The following KIF16B variants were observed in gnomAD, a reference collection of about 807,000 sequenced individuals.
The protein encoded by KIF16B is kinesin family member 16B.
A neutral mutation model predicts 156.3 loss-of-function variants in KIF16B; 98 were observed. The ratio of observed to expected loss-of-function variants is 0.63; its 90% CI spans 0.53 to 0.74. The LOEUF is 0.74. Ranked by LOEUF, KIF16B falls within the 30% of genes least tolerant of loss-of-function variation. The pLI is 0.00. For missense variants in KIF16B, 1,421 were observed against 1,606.5 expected (o/e 0.88, Z 1.97); for synonymous variants, 564 against 583.7 (o/e 0.97, Z 0.49).
chr20:16,296,231 G>C (rs982347501), intron 25 of KIF16B, among the ~76,000 whole-genome samples: 10 of 152,236 alleles, frequency 6.6e-5, no homozygotes, highest in Admixed American at 6.5e-4. Flanking sequence ...ACAGGCAACA[G>C]AGGAGTGAGT....
At chr20:16,500,147 A>G (rs888618756) in intron 10 of KIF16B, among the ~76,000 whole-genome samples, 1 of 152,302 alleles carries the variant, frequency 6.6e-6, no homozygotes, top group South Asian at 2.1e-4. Context: ...ATGCAGCCAA[A>G]TACATAAATC....
chr20:16,550,085 C>T (rs1180409662), intron 1 of KIF16B, among the ~76,000 whole-genome samples: 3 of 110,368 alleles, frequency 2.7e-5, no homozygotes, highest in Non-Finnish European at 5.3e-5. Context: ...AGAAAATTTT[C>T]GCAACCTACT....
At chr20:16,491,589 G>A (rs1211283072) in intron 12 of KIF16B, among the ~76,000 whole-genome samples, 2 of 152,156 alleles carry the variant, frequency 1.3e-5, no homozygotes, top group African/African-American at 4.8e-5. Flanking sequence ...GTTGCCATCC[G>A]CTGTGATTTC....
At chr20:16,286,122 C>T (rs1021818210) in intron 25 of KIF16B, among the ~76,000 whole-genome samples, 2 of 152,202 alleles carry the variant, frequency 1.3e-5, no homozygotes, top group African/African-American at 4.8e-5. Context: ...ATCCCCAGAA[C>T]TTAACACAGT....
intron 15 of KIF16B, 67 bp from the exon 16 acceptor site, chr20:16,406,523 A>G: frequency 8.0e-7 from 1 of 1,252,606 alleles, no homozygotes; most frequent in Non-Finnish European, 1.2e-6. Flanking sequence ...ATACCATAAC[A>G]TGGAATTCTA....
At chr20:16,436,336 C>G (rs2146491276) in intron 12 of KIF16B, among the ~76,000 whole-genome samples, 1 of 152,270 alleles carries the variant, frequency 6.6e-6, no homozygotes. Flanking sequence ...GCACCACAGG[C>G]TTTGTTTGAG....
At chr20:16,427,463 T>A (rs375963887) in intron 14 of KIF16B, among the ~76,000 whole-genome samples, 1 of 151,988 alleles carries the variant, frequency 6.6e-6, no homozygotes, top group Non-Finnish European at 1.5e-5. Context: ...CTTCAAGGGA[T>A]CTGGACATTA....
intron 11 of KIF16B, among the ~76,000 whole-genome samples, chr20:16,496,431 C>T (rs771615797): frequency 6.6e-6 from 1 of 152,150 alleles, no homozygotes; most frequent in Non-Finnish European, 1.5e-5. Flanking sequence ...AAATAATATC[C>T]ATTTAAAACA....
chr20:16,496,441 ATTAAT>A (rs2068454336), intron 11 of KIF16B, among the ~76,000 whole-genome samples: 1 of 152,238 alleles, frequency 6.6e-6, no homozygotes, highest in South Asian at 2.1e-4. Context: ...CATTTAAAAC[ATTAAT>A]TTAAGAATGC....
chr20:16,440,606 G>A (rs1000395678), intron 12 of KIF16B, among the ~76,000 whole-genome samples: 5 of 150,130 alleles, frequency 3.3e-5, no homozygotes, highest in African/African-American at 7.4e-5. Flanking sequence ...TAGAACCAAT[G>A]AGGAAGAGCC....
At chr20:16,322,545 T>G (rs991916774) in intron 24 of KIF16B, among the ~76,000 whole-genome samples, 17 of 152,194 alleles carry the variant, frequency 1.1e-4, no homozygotes, top group South Asian at 2.1e-4. Flanking sequence ...TATATGTATA[T>G]GTATGCATAT....
chr20:16,488,344 G>A (rs567885565), intron 12 of KIF16B, among the ~76,000 whole-genome samples: 7 of 152,334 alleles, frequency 4.6e-5, no homozygotes, highest in South Asian at 2.1e-4. Flanking sequence ...CTGTCTGTGC[G>A]TTATTTTGAA....
At chr20:16,482,505 C>T (rs1343112587) in intron 12 of KIF16B, among the ~76,000 whole-genome samples, 1 of 151,932 alleles carries the variant, frequency 6.6e-6, no homozygotes, top group Non-Finnish European at 1.5e-5. Context: ...AGAGAACACA[C>T]CCGCATTTGG....
At chr20:16,395,159 A>C (rs75527486) in intron 17 of KIF16B, among the ~76,000 whole-genome samples, 2,781 of 111,462 alleles carry the variant, frequency 0.025, 48 homozygotes, top group Non-Finnish European at 0.039. Context: ...CAGTTTAGTC[A>C]AGGCAGAAAG....
intron 17 of KIF16B, among the ~76,000 whole-genome samples, chr20:16,399,720 T>C (rs2065601722): frequency 6.6e-6 from 1 of 152,180 alleles, no homozygotes; most frequent in Non-Finnish European, 1.5e-5. Flanking sequence ...TATCCTCCCT[T>C]CCTCTTGACA....
At chr20:16,347,528 T>C (rs1335862694) in intron 23 of KIF16B, among the ~76,000 whole-genome samples, 3 of 152,064 alleles carry the variant, frequency 2.0e-5, no homozygotes, top group Non-Finnish European at 4.4e-5. Flanking sequence ...GGAAGGGCAA[T>C]ATAAAAGATC....
intron 3 of KIF16B, among the ~76,000 whole-genome samples, chr20:16,520,667 A>G (rs547596751): frequency 6.6e-6 from 1 of 152,256 alleles, no homozygotes; most frequent in African/African-American, 2.4e-5. Flanking sequence ...CCAGCACAGC[A>G]CTCACGCTCT....
chr20:16,561,218 C>T (rs1471826198), intron 1 of KIF16B, among the ~76,000 whole-genome samples: 1 of 151,994 alleles, frequency 6.6e-6, no homozygotes, highest in East Asian at 1.9e-4. Context: ...TGCTTGAACC[C>T]GGGAGGTGGA....
At chr20:16,422,159 TAGAG>T (rs766914210) in intron 15 of KIF16B, among the ~76,000 whole-genome samples, 10 of 152,220 alleles carry the variant, frequency 6.6e-5, no homozygotes, top group East Asian at 5.8e-4. Flanking sequence ...ACAAGACAAT[TAGAG>T]AGGTAATCAT....
Sources: gnomAD v4.1 joint callset for allele counts (sites outside exome capture counted in the v4.1 genomes callset) on GRCh38, gnomAD v4.1.1 for gene constraint, MANE v1.5 for transcripts, NCBI Gene and HGNC (gene_info 2026-07-23, HGNC 2026-07-21) for gene names.